The following CCDC180 variants were observed in gnomAD, a reference collection of about 807,000 sequenced individuals.
CCDC180 encodes coiled-coil domain-containing protein 180.
Under a neutral mutation model 209.2 loss-of-function variants are expected in CCDC180, and 154 were observed. The observed-to-expected ratio is 0.74, with a 90% confidence interval of 0.65 to 0.84. The LOEUF (loss-of-function observed/expected upper bound fraction) is 0.84, where lower values mean the gene tolerates loss of function less well. CCDC180 is among the 40% of genes least tolerant of loss of function. The pLI is 0.00. For missense variants in CCDC180, 1,874 were observed against 1,997.3 expected (o/e 0.94, Z 1.18); for synonymous variants, 778 against 749.1 (o/e 1.04, Z -0.63).
chr9:97,318,679 A>G, intron 10 of CCDC180, 97 bp downstream of exon 10: 1 of 1,504,536 alleles, frequency 6.6e-7, no homozygotes, highest in Non-Finnish European at 9.0e-7. Flanking sequence ...CATCCTTCAG[A>G]CTAAGCAGAC....
At position 97,330,355 on chromosome 9, in the gene CCDC180, A is replaced by C; in HGVS notation, c.1862A>C (p.Lys621Thr). 6.2e-7 allele frequency: 1 copy of C among 1,614,124 alleles called. No homozygotes were observed. The highest frequency in any genetic ancestry group is 8.5e-7 in the Non-Finnish European group (1 of 1,180,024). ...AHEKPSQKRV[K>T]KLRKKQGSKE... Reference sequence around the variant, plus strand: ...GAAAAACCCTCCCAGAAGAGAGTGAAAAAACTGAGGAAGAAGCAAGGGTCT... The same window carrying C: ...GAAAAACCCTCCCAGAAGAGAGTGACAAAACTGAGGAAGAAGCAAGGGTCT... Residue 621 changes from lysine (K) to threonine (T), a missense_variant, in exon 18 of 37, where the codon AAA becomes ACA. Transcript: ENST00000529487.
In CCDC180 at chr9:97,309,538, C is replaced by CAG. The variant is rs749397882; in HGVS notation, c.194_195insAG (p.Arg66AlafsTer52). On this transcript the variant is annotated frameshift_variant, in exon 3 of 37. Transcript: ENST00000529487. LOFTEE classifies it high-confidence loss of function. ...ACTCCTGAAGGGGAGGTGATGTCTC[C>CAG]CCGACAGCAGAAGTGGATGCACAGC... 3.1e-5 allele frequency: 49 copies of CAG among 1,597,876 alleles called. No individual in the cohort carries two copies. Among genetic ancestry groups the CAG allele is most frequent in the Middle Eastern group, 3.3e-4 (2 of 6,052 alleles).
chr9:97,309,686 G>GAGT, intron 3 of CCDC180, 82 bp downstream of exon 3: 1 of 1,173,558 alleles, frequency 8.5e-7, no homozygotes, highest in Non-Finnish European at 1.2e-6. Context: ...AGCACAAGAT[G>GAGT]AGTAGCCTGT....
intron 24 of CCDC180, among the ~76,000 whole-genome samples, chr9:97,356,681 G>A (rs971735356): frequency 3.9e-5 from 6 of 152,212 alleles, no homozygotes; most frequent in African/African-American, 1.4e-4. Context: ...AGCTGGTGCT[G>A]GCACTGATTC....
At position 97,337,476 on chromosome 9, in the gene CCDC180, C is replaced by T. The variant is rs538249129; in HGVS notation, c.2275-5864C>T. Among the ~76,000 whole-genome samples, 117 of 151,958 alleles carry T rather than the reference C, an allele frequency of 7.7e-4. 2 individuals are homozygous for T. Among genetic ancestry groups the T allele is most frequent in the Admixed American group, 2.6e-4 (4 of 15,264 alleles). On this transcript the variant is annotated intron_variant, in intron 18 of 36. Transcript: ENST00000529487. Reference sequence around the variant, plus strand: ...GTGATGGATTACGTTTATTGATTTGCGTATGTTGAACCAGCCTTGCATCCC... The same window carrying T: ...GTGATGGATTACGTTTATTGATTTGTGTATGTTGAACCAGCCTTGCATCCC...
At chr9:97,350,297 C>T (rs1040126259) in intron 21 of CCDC180, 112 bp from the exon 22 acceptor site, 17 of 1,043,944 alleles carry the variant, frequency 1.6e-5, no homozygotes, top group Admixed American at 9.3e-5. Context: ...TGGTCATTAT[C>T]GTGACCGGCC....
chr9:97,356,084 A>G (rs1310876672), intron 24 of CCDC180, among the ~76,000 whole-genome samples: 9 of 152,216 alleles, frequency 5.9e-5, no homozygotes, highest in Non-Finnish European at 4.4e-5. Flanking sequence ...TGTGAGGCTG[A>G]TGGGGAGAGA....
intron 20 of CCDC180, chr9:97,347,725 G>T: frequency 6.3e-6 from 3 of 478,530 alleles, no homozygotes; most frequent in Non-Finnish European, 1.1e-5. Context: ...TTTTCAAGAG[G>T]GTGTTATAGT....
intron 28 of CCDC180, chr9:97,363,610 G>A: frequency 1.9e-6 from 1 of 534,416 alleles, no homozygotes; most frequent in South Asian, 1.4e-5. Flanking sequence ...GCATAAGTAT[G>A]TCCCAAATAC....
intron 35 of CCDC180, among the ~76,000 whole-genome samples, chr9:97,374,879 A>G (rs1384491217): frequency 1.3e-5 from 2 of 152,246 alleles, no homozygotes; most frequent in Non-Finnish European, 2.9e-5. Context: ...CAAACAGCTC[A>G]ACAGCTATTA....
At chr9:97,322,423 G>A (rs1833386154) in intron 11 of CCDC180, among the ~76,000 whole-genome samples, 1 of 152,188 alleles carries the variant, frequency 6.6e-6, no homozygotes, top group African/African-American at 2.4e-5. Flanking sequence ...AGGAGAAATA[G>A]AGAAAATAAA....
intron 4 of CCDC180, among the ~76,000 whole-genome samples, chr9:97,312,931 C>CAGGAAGTGCTGTGGA (rs11268681): frequency 4.0e-5 from 6 of 151,812 alleles, no homozygotes; most frequent in African/African-American, 1.5e-4. Flanking sequence ...ACCTACTATG[C>CAGGAAGTGCTGTGGA]AGGAAGTGTT....
chr9:97,320,104 C>T (rs918745782), intron 10 of CCDC180, 22 bp from the exon 11 acceptor site: 11 of 1,605,800 alleles, frequency 6.9e-6, no homozygotes, highest in Non-Finnish European at 9.4e-6. Flanking sequence ...GTGTGGCTTA[C>T]TTGCTGTATC....
chr9:97,346,555 A>C (rs1826266579), intron 19 of CCDC180, among the ~76,000 whole-genome samples: 1 of 152,238 alleles, frequency 6.6e-6, no homozygotes, highest in African/African-American at 2.4e-5. Flanking sequence ...AAGAACAGCT[A>C]TTCACAACAG....
intron 29 of CCDC180, 27 bp from the exon 30 acceptor site, chr9:97,365,646 C>T: frequency 6.2e-7 from 1 of 1,607,352 alleles, no homozygotes; most frequent in East Asian, 2.2e-5. Flanking sequence ...CCAGGCCCCT[C>T]AGGGATCTGT....
chr9:97,309,323 A>T, intron 2 of CCDC180, 91 bp from the exon 3 acceptor site: 1 of 1,297,510 alleles, frequency 7.7e-7, no homozygotes, highest in South Asian at 1.4e-5. Flanking sequence ...AGCTCTCTGG[A>T]TGTCTTTCTA....
chr9:97,339,831 A>G, intron 18 of CCDC180, among the ~76,000 whole-genome samples: 1 of 152,184 alleles, frequency 6.6e-6, no homozygotes, highest in South Asian at 2.1e-4. Flanking sequence ...ACATAGACCC[A>G]TATTTCTTGG....
In CCDC180 at chr9:97,347,186, A is replaced by G. The variant is rs1220241131; in HGVS notation, c.2499-128A>G. 9 of 856,232 alleles carry G rather than the reference A, an allele frequency of 1.1e-5. No homozygotes were observed. The East Asian group carries it at 2.1e-4, about 20-fold the overall frequency. 53.0% of individuals were successfully genotyped at this position (856,232 alleles called of 1,614,324 possible). On this transcript the variant is annotated intron_variant, in intron 19 of 36. Transcript: ENST00000529487. ...AGTAATGGTCCATTTACACAATGAA[A>G]TGCAATGTAGCTGGGAAATGAAATG...
chr9:97,330,251 G>C, intron 17 of CCDC180, 58 bp downstream of exon 17: 1 of 1,610,992 alleles, frequency 6.2e-7, no homozygotes, highest in Non-Finnish European at 8.5e-7. Context: ...CGCGTTTGTG[G>C]GTTGGGAGGC....
Sources: gnomAD v4.1 joint callset for allele counts (sites outside exome capture counted in the v4.1 genomes callset) on GRCh38, gnomAD v4.1.1 for gene constraint, MANE v1.5 for transcripts, NCBI Gene and HGNC (gene_info 2026-07-23, HGNC 2026-07-21) for gene names.